Variants in COL8A2 observed in about 807,000 individuals in gnomAD.
COL8A2 encodes the protein collagen type VIII alpha 2 chain, also known as collagen alpha-2(VIII) chain.
COL8A2 carries 16 observed loss-of-function variants against 24.0 expected under a neutral mutation model. That is an observed-to-expected ratio of 0.67 (90% CI 0.45 to 1.01). The LOEUF is 1.01. Ranked by LOEUF, COL8A2 falls within the 50% of genes least tolerant of loss-of-function variation. The pLI, the probability that COL8A2 is intolerant of heterozygous loss-of-function variation, is 0.00. For missense variants in COL8A2, 818 were observed against 942.4 expected (o/e 0.87, Z 1.73); for synonymous variants, 466 against 424.5 (o/e 1.10, Z -1.20).
Position 36,097,408 on chromosome 1 carries a change from C to A in COL8A2, c.*161G>T. On this transcript the variant is annotated 3_prime_UTR_variant, in exon 4 of 4. Transcript: ENST00000397799. ...GGCCAGCCCCTTCCAGAAACAATCT[C>A]AGCCTGCATGCAGGGAGAAAGCAAG... The A allele has an allele frequency of 1.5e-6, 1 of 659,834 alleles. No homozygotes were observed. Among genetic ancestry groups the A allele is most frequent in the African/African-American group, 1.8e-5 (1 of 55,730 alleles). 40.9% of individuals were successfully genotyped at this position (659,834 alleles called of 1,614,324 possible). A position where few individuals can be genotyped will look rare whatever the true frequency, so the allele number is the denominator to read the frequency against.
intron 2 of COL8A2, among the ~76,000 whole-genome samples, chr1:36,100,638 G>T: frequency 6.6e-6 from 1 of 152,124 alleles, no homozygotes; most frequent in Non-Finnish European, 1.5e-5. Flanking sequence ...TGCTGGGCCA[G>T]CTCTCTGCCA....
chr1:36,110,295 A>G (rs567356687), intron 2 of COL8A2, among the ~76,000 whole-genome samples: 3 of 149,460 alleles, frequency 2.0e-5, no homozygotes, highest in African/African-American at 7.3e-5. Context: ...GGATTAACTG[A>G]GATGATCTAA....
At chr1:36,109,823 C>T (rs1016164076) in intron 2 of COL8A2, among the ~76,000 whole-genome samples, 4 of 151,924 alleles carry the variant, frequency 2.6e-5, no homozygotes, top group African/African-American at 9.7e-5. Flanking sequence ...GTCTCAATCT[C>T]TTGACCTTGT....
chr1:36,122,592 A>G (rs1038241653), intron 1 of COL8A2, among the ~76,000 whole-genome samples: 2 of 151,846 alleles, frequency 1.3e-5, no homozygotes, highest in South Asian at 4.2e-4. Flanking sequence ...ACAGCCATCC[A>G]GTGCAAGGCT....
At chr1:36,103,660 T>C (rs1254710968) in intron 2 of COL8A2, among the ~76,000 whole-genome samples, 1 of 151,836 alleles carries the variant, frequency 6.6e-6, no homozygotes, top group Non-Finnish European at 1.5e-5. Flanking sequence ...CTCAGCTCAC[T>C]GCAACCTCTG....
In COL8A2 at chr1:36,097,205, C is replaced by T. The variant is rs1255700399; in HGVS notation, c.*364G>A. On this transcript the variant is annotated 3_prime_UTR_variant, in exon 4 of 4. Transcript: ENST00000397799. The stretch of plus-strand genomic sequence containing the variant: ...CGTGCCCCTTTCCTCCAGCAGGTGC[C>T]ATCAGGGAGCCAGTGGGAAGGGCTG... 4.3e-6 allele frequency: 1 copy of T among 230,594 alleles called. No homozygotes were observed. Among genetic ancestry groups the T allele is most frequent in the African/African-American group, 2.3e-5 (1 of 44,438 alleles). 14.3% of individuals were successfully genotyped at this position (230,594 alleles called of 1,614,324 possible).
rs1003656719 is a variant in COL8A2, at chr1:36,115,417, C to T, written c.-17+291G>A. ...TGGGCTGGGCAGGGAGGGGGCCTGG[C>T]GGGAGCACAGCCAGGCCACTGCACC... is the stretch of plus-strand genomic sequence containing the variant. On this transcript the variant is annotated intron_variant, in intron 2 of 3. Transcript: ENST00000397799. The surrounding 1 kb of genome is among the most constrained non-coding windows in gnomAD (Gnocchi z 5.7). Among the ~76,000 whole-genome samples, 1 of 151,964 alleles carries T rather than the reference C, an allele frequency of 6.6e-6. No individual in the cohort carries two copies. The highest frequency in any genetic ancestry group is 1.9e-4 in the East Asian group (1 of 5,168).
At chr1:36,105,727 C>T (rs532576732) in intron 2 of COL8A2, among the ~76,000 whole-genome samples, 6 of 151,618 alleles carry the variant, frequency 4.0e-5, no homozygotes, top group Non-Finnish European at 7.4e-5. Context: ...GCAGGAAGAT[C>T]GCTTGAGCCC....
In COL8A2 at chr1:36,097,956, C is replaced by T. The variant is rs755678047; in HGVS notation, c.1725G>A (p.Pro575=). 3.0e-5 allele frequency: 48 copies of T among 1,608,996 alleles called. No homozygotes were observed. The highest frequency in any genetic ancestry group is 2.8e-5 in the Non-Finnish European group (33 of 1,179,222). Residue 575 remains proline, a synonymous_variant, in exon 4 of 4, where the codon CCG becomes CCA. Coordinates refer to ENST00000397799, the MANE Select transcript of COL8A2 (RefSeq NM_005202.4). ...GLGELSAHAT[P]AFTAVLTSPF... The stretch of plus-strand genomic sequence containing the variant: ...GCGAGGTGAGCACCGCAGTGAAGGC[C>T]GGTGTGGCATGGGCAGACAGCTCGC...
chr1:36,112,338 C>A (rs1482546095), intron 2 of COL8A2, among the ~76,000 whole-genome samples: 2 of 152,172 alleles, frequency 1.3e-5, no homozygotes, highest in Non-Finnish European at 2.9e-5. Flanking sequence ...ACTTCTGACC[C>A]TCCTTTCTTA....
At chr1:36,120,481 G>A (rs1307060977) in intron 1 of COL8A2, among the ~76,000 whole-genome samples, 3 of 151,484 alleles carry the variant, frequency 2.0e-5, no homozygotes, top group Admixed American at 2.0e-4. Flanking sequence ...CGGGCACAAT[G>A]GCTCACGCCT....
In COL8A2 at chr1:36,099,474, C is replaced by T. The variant is rs745951375; in HGVS notation, c.207G>A (p.Pro69=). 1.6e-5 allele frequency: 24 copies of T among 1,539,836 alleles called. No individual in the cohort carries two copies. The highest frequency in any genetic ancestry group is 3.4e-4 in the Middle Eastern group (2 of 5,884). Residue 69 remains proline, a synonymous_variant, in exon 4 of 4, where the codon CCG becomes CCA. Coordinates refer to ENST00000397799, the MANE Select transcript of COL8A2 (RefSeq NM_005202.4). ...CTCCCTTCAGGTCCATCGGCAGCAGCGGTAGAGGCATTTCTGAGAAAGAAA... is the reference window on the plus strand; with the variant it reads ...CTCCCTTCAGGTCCATCGGCAGCAGTGGTAGAGGCATTTCTGAGAAAGAAA... ...GKGQYLEMPL[P]LLPMDLKGEP... is the part of the protein sequence containing the mutation.
rs778704210 is a variant in COL8A2, at chr1:36,099,211, G to A, written c.470C>T (p.Pro157Leu). 6.5e-6 allele frequency: 10 copies of A among 1,533,096 alleles called. No homozygotes were observed. In the Middle Eastern group the frequency reaches 5.4e-4, roughly 83 times the overall value. The allele number at this position is 1,533,096 out of a possible 1,614,324, so 95.0% of individuals were successfully genotyped here. Residue 157 changes from proline (P) to leucine (L), a missense_variant, in exon 4 of 4, where the codon CCC becomes CTC. Physicochemically the swap from Pro to Leu is moderately conservative, Grantham distance 98. This residue lies in a region of COL8A2 where 573 missense variants were observed against 616.8 expected (regional missense o/e 0.93). Transcript: ENST00000397799. ...GIRGDQGLRGPPGPPGLPGPS... is the reference protein window; with the variant it reads ...GIRGDQGLRGLPGPPGLPGPS... Reference sequence around the variant, plus strand: ...GCCCGGGAGGCCAGGGGGTCCTGGGGGTCCCCGGAGGCCCTGGTCCCCTCG... The same window carrying A: ...GCCCGGGAGGCCAGGGGGTCCTGGGAGTCCCCGGAGGCCCTGGTCCCCTCG...
In COL8A2 at chr1:36,097,496, GT is replaced by G. The variant is rs1456483893; in HGVS notation, c.*72del. 66 of 1,260,826 alleles carry G rather than the reference GT, an allele frequency of 5.2e-5. No individual in the cohort carries two copies. The highest frequency in any genetic ancestry group is 6.8e-5 in the Non-Finnish European group (61 of 899,130). The allele number at this position is 1,260,826 out of a possible 1,614,324, so 78.1% of individuals were successfully genotyped here. Reference sequence around the variant, plus strand: ...CAGCTTTTGTTTTTTTTTCCAGGAGGTTCTTTGTAATTGAAAAGGTCGCTCT... The same window carrying G: ...CAGCTTTTGTTTTTTTTTCCAGGAGGTCTTTGTAATTGAAAAGGTCGCTCT... On this transcript the variant is annotated 3_prime_UTR_variant, in exon 4 of 4. Transcript: ENST00000397799.
intron 2 of COL8A2, among the ~76,000 whole-genome samples, chr1:36,107,442 A>G (rs1474376149): frequency 1.3e-5 from 2 of 151,592 alleles, no homozygotes; most frequent in Admixed American, 6.6e-5. Flanking sequence ...AACCACTCTG[A>G]TGTAGTGCCA....
chr1:36,122,742 ATCC>A (rs1437777773), intron 1 of COL8A2, among the ~76,000 whole-genome samples: 24 of 152,082 alleles, frequency 1.6e-4, no homozygotes, highest in African/African-American at 5.5e-4. Context: ...TGCCTCGAAG[ATCC>A]CCCCTTCATC....
Position 36,100,129 on chromosome 1 carries a change from A to G in COL8A2, c.114T>C (p.Tyr38=). Residue 38 remains tyrosine, a synonymous_variant, in exon 3 of 4, where the codon TAT becomes TAC. Transcript: ENST00000397799. ...TGGGCTGGATGTACTTCACTGGGGC[A>G]TAGCCCGCCGCCCCACCGGCCCCGC... ...SGGGAGGAAG[Y]APVKYIQPMQ... 6.2e-7 allele frequency: 1 copy of G among 1,612,906 alleles called. No individual in the cohort carries two copies. The highest frequency in any genetic ancestry group is 8.5e-7 in the Non-Finnish European group (1 of 1,179,564).
At chr1:36,110,133 C>T (rs902642646) in intron 2 of COL8A2, among the ~76,000 whole-genome samples, 3 of 151,486 alleles carry the variant, frequency 2.0e-5, no homozygotes, top group Non-Finnish European at 4.4e-5. Flanking sequence ...GGAGTTTCAC[C>T]ATGTTAGCCA....
In COL8A2 at chr1:36,099,279, G is replaced by A. The variant is rs536968194; in HGVS notation, c.402C>T (p.Val134=). The part of the protein sequence containing the change: ...KAGPPGLPGK[V]GPPGQPGLRG... ...GAAGCCCCGGCTGCCCTGGTGGCCC[G>A]ACCTTGCCAGGGAGCCCTGGGGGAC... The change falls in exon 4 of 4, where the codon GTC becomes GTT. Residue 134 remains valine (V), a synonymous_variant. Transcript: ENST00000397799. The A allele has an allele frequency of 6.1e-5, 95 of 1,556,380 alleles. 2 individuals carry two copies. The highest frequency in any genetic ancestry group is 4.8e-4 in the South Asian group (41 of 84,680).
Sources: gnomAD v4.1 joint callset for allele counts (sites outside exome capture counted in the v4.1 genomes callset) on GRCh38, gnomAD v4.1.1 for gene constraint, gnomAD v4.1.1 regional missense constraint, Gnocchi (gnomAD v3.1) non-coding constraint, MANE v1.5 for transcripts, NCBI Gene and HGNC (gene_info 2026-07-23, HGNC 2026-07-21) for gene names.